NAALADL2: variants seen among roughly 807,000 people sequenced by gnomAD.
NAALADL2 encodes inactive N-acetylated-alpha-linked acidic dipeptidase-like protein 2.
In NAALADL2, 76 loss-of-function variants were observed where a neutral mutation model predicts 87.2. The observed-to-expected ratio is 0.87, with a 90% CI of 0.72 to 1.05. The LOEUF is 1.05. NAALADL2 is among the 50% of genes least tolerant of loss of function. The probability of loss-of-function intolerance (pLI) is 0.00; values close to 1 mark genes in which losing one functional copy is unlikely to be tolerated. For missense variants in NAALADL2, 1,089 were observed against 945.8 expected, an observed-to-expected ratio of 1.15 and a Z score of -1.99; for synonymous variants, 354 against 331.0, an observed-to-expected ratio of 1.07 and a Z score of -0.75.
intron 2 of NAALADL2, among the ~76,000 whole-genome samples, chr3:174,685,091 G>C (rs1349787316): frequency 2.0e-5 from 3 of 151,966 alleles, no homozygotes; most frequent in African/African-American, 7.2e-5. Flanking sequence ...TTAAAAAACT[G>C]CTATTCCCTG....
intron 2 of NAALADL2, among the ~76,000 whole-genome samples, chr3:174,614,694 T>C (rs1420646971): frequency 6.6e-6 from 1 of 152,202 alleles, no homozygotes; most frequent in Non-Finnish European, 1.5e-5. Flanking sequence ...CTTATGAAGG[T>C]ATTTTTAAAA....
At chr3:174,541,698 C>A (rs1261433454) in intron 1 of NAALADL2, among the ~76,000 whole-genome samples, 1 of 152,034 alleles carries the variant, frequency 6.6e-6, no homozygotes, top group East Asian at 1.9e-4. Flanking sequence ...CAACTCTTTC[C>A]AACTACAGGA....
At chr3:175,363,422 A>G (rs1441108342) in intron 5 of NAALADL2, among the ~76,000 whole-genome samples, 1 of 147,550 alleles carries the variant, frequency 6.8e-6, no homozygotes, top group Non-Finnish European at 1.5e-5. Context: ...AATACCAAAA[A>G]TATAACTGGA....
intron 1 of NAALADL2, among the ~76,000 whole-genome samples, chr3:174,941,240 G>A (rs1738538279): frequency 6.6e-6 from 1 of 151,978 alleles, no homozygotes; most frequent in Non-Finnish European, 1.5e-5. Context: ...CTTGATTTCT[G>A]CCTTAACTTT....
In NAALADL2 at chr3:175,182,378, A is replaced by G. The variant is rs138454784; in HGVS notation, c.546-51553A>G. 2.3e-3 allele frequency among the ~76,000 whole-genome samples: 347 copies of G among 151,444 alleles called. 3 individuals carry two copies. The highest frequency in any genetic ancestry group is 8.1e-3 in the African/African-American group (334 of 41,326). The stretch of plus-strand genomic sequence containing the variant: ...TCTATTAATTGTTTCTTTTTTGTGC[A>G]AAACTGTTTTTTGTTTATTTGTTTT... On this transcript the variant is annotated intron_variant, in intron 2 of 13. Coordinates refer to ENST00000454872, the MANE Select transcript of NAALADL2 (RefSeq NM_207015.3).
chr3:175,685,277 G>A (rs16826153), intron 11 of NAALADL2, among the ~76,000 whole-genome samples: 7,280 of 152,140 alleles, frequency 0.048, 224 homozygotes, highest in South Asian at 0.13. Context: ...CTGACTCCTA[G>A]CATCAAGTCC....
intron 1 of NAALADL2, among the ~76,000 whole-genome samples, chr3:174,882,516 T>A (rs116326471): frequency 0.025 from 3,725 of 149,862 alleles, 190 homozygotes; most frequent in African/African-American, 0.086. Context: ...TATATACATA[T>A]GTGCATATAC....
chr3:174,608,525 C>G (rs879284605), intron 2 of NAALADL2, among the ~76,000 whole-genome samples: 269 of 151,542 alleles, frequency 1.8e-3, no homozygotes, highest in Non-Finnish European at 3.0e-3. Context: ...TCAGAGAATA[C>G]TACAAACACC....
intron 2 of NAALADL2, among the ~76,000 whole-genome samples, chr3:174,700,229 G>GT (rs71624290): frequency 0.34 from 47,865 of 140,324 alleles, 8,643 homozygotes; most frequent in Non-Finnish European, 0.41. Flanking sequence ...TTTTGCCACA[G>GT]TTTTTTTTTT....
chr3:175,107,673 G>T (rs1723438190), intron 2 of NAALADL2, among the ~76,000 whole-genome samples: 1 of 151,574 alleles, frequency 6.6e-6, no homozygotes, highest in South Asian at 2.1e-4. Flanking sequence ...AGTCCTTAGG[G>T]TTTAACTAAT....
intron 1 of NAALADL2, among the ~76,000 whole-genome samples, chr3:175,030,566 C>T (rs1752692037): frequency 6.6e-6 from 1 of 151,962 alleles, no homozygotes; most frequent in Admixed American, 6.6e-5. Context: ...TCTACATTCC[C>T]AAGAGCACAG....
At position 174,787,596 on chromosome 3, in the gene NAALADL2, T is replaced by TATACATATATATATATATACACAC. The variant is rs1553855395; in HGVS notation, c.-9+49853_-9+49854insCATATATATATATATACACACATA. On this transcript the variant is annotated intron_variant, in intron 3 of 3. Coordinates refer to the NAALADL2 transcript ENST00000434257. ...ATCATCATATATATATATATATATATATATATATATATATATATATATATA... is the reference window on the plus strand; with the variant it reads ...ATCATCATATATATATATATATATATATACATATATATATATATACACACATATATATATATATATATATATATA... 2.9e-4 allele frequency among the ~76,000 whole-genome samples: 19 copies of TATACATATATATATATATACACAC among 65,810 alleles called. 1 individual carries two copies. Among genetic ancestry groups the TATACATATATATATATATACACAC allele is most frequent in the African/African-American group, 9.6e-4 (18 of 18,786 alleles). The allele number at this position is 65,810 out of a possible 152,430, so 43.2% of individuals were successfully genotyped here.
intron 5 of NAALADL2, among the ~76,000 whole-genome samples, chr3:175,445,079 A>G (rs1046018173): frequency 1.3e-5 from 2 of 152,204 alleles, no homozygotes; most frequent in East Asian, 3.8e-4. Flanking sequence ...TTTCCCTAGT[A>G]AAAGTTCTGA....
chr3:174,712,504 C>T (rs2108920428), intron 2 of NAALADL2, among the ~76,000 whole-genome samples: 1 of 149,576 alleles, frequency 6.7e-6, no homozygotes, highest in Admixed American at 6.7e-5. Context: ...TCTCCTGCCT[C>T]AGCCTCCCAA....
chr3:175,337,222 T>C (rs1762076516), intron 5 of NAALADL2, among the ~76,000 whole-genome samples: 1 of 149,676 alleles, frequency 6.7e-6, no homozygotes, highest in African/African-American at 2.4e-5. Context: ...GGTCTGTGTA[T>C]TAGGTGGTAA....
chr3:174,530,745 A>AC (rs527922552), intron 1 of NAALADL2, among the ~76,000 whole-genome samples: 20 of 151,974 alleles, frequency 1.3e-4, no homozygotes, highest in Admixed American at 6.6e-5. Context: ...GTGAATACTT[A>AC]CCCCCCACCG....
chr3:175,130,228 A>T (rs970883433), intron 2 of NAALADL2, among the ~76,000 whole-genome samples: 1 of 152,080 alleles, frequency 6.6e-6, no homozygotes, highest in African/African-American at 2.4e-5. Flanking sequence ...TAAATTTTGG[A>T]TATTAACTTC....
At chr3:175,100,991 G>C (rs7616252) in intron 2 of NAALADL2, among the ~76,000 whole-genome samples, 33,174 of 151,864 alleles carry the variant, frequency 0.22, 4,924 homozygotes, top group African/African-American at 0.42. Flanking sequence ...TCAGAGGCCT[G>C]GGGGTTGTAA....
At chr3:175,163,919 CAAT>C (rs1733602902) in intron 2 of NAALADL2, among the ~76,000 whole-genome samples, 1 of 152,038 alleles carries the variant, frequency 6.6e-6, no homozygotes, top group Admixed American at 6.6e-5. Flanking sequence ...ATTCCATTGT[CAAT>C]GATGCAGAAA....
Sources: gnomAD v4.1 joint callset for allele counts (sites outside exome capture counted in the v4.1 genomes callset) on GRCh38, gnomAD v4.1.1 for gene constraint, MANE v1.5 for transcripts, NCBI Gene and HGNC (gene_info 2026-07-23, HGNC 2026-07-21) for gene names.